The following CCDC102B variants were observed in gnomAD, a reference collection of about 807,000 sequenced individuals.
The protein encoded by CCDC102B is coiled-coil domain containing 102B, also known as coiled-coil domain-containing protein 102B.
Under a neutral mutation model 57.4 loss-of-function variants are expected in CCDC102B, and 75 were observed. The observed-to-expected ratio is 1.31, with a 90% CI of 1.08 to 1.58. The LOEUF (loss-of-function observed/expected upper bound fraction) is 1.58. Among genes scored for constraint, CCDC102B ranks in the 40% most tolerant of loss-of-function variants. The probability of loss-of-function intolerance (pLI) is 0.00; values close to 1 mark genes in which losing one functional copy is unlikely to be tolerated. For synonymous variants in CCDC102B, 206 were observed against 201.9 expected (o/e 1.02, Z -0.17); for missense variants, 636 against 582.6 (o/e 1.09, Z -0.94).
At chr18:68,932,465 A>C (rs2041708626) in intron 6 of CCDC102B, among the ~76,000 whole-genome samples, 9 of 151,896 alleles carry the variant, frequency 5.9e-5, no homozygotes, top group Admixed American at 5.9e-4. Flanking sequence ...GTTTTGGATG[A>C]ATTATGTTGA....
intron 6 of CCDC102B, among the ~76,000 whole-genome samples, chr18:68,912,193 G>A (rs2040900768): frequency 6.6e-6 from 1 of 151,876 alleles, no homozygotes; most frequent in Admixed American, 6.6e-5. Flanking sequence ...GGTCTATATA[G>A]TTTCAGTCCT....
intron 6 of CCDC102B, among the ~76,000 whole-genome samples, chr18:68,982,927 C>T (rs2050629679): frequency 1.3e-5 from 2 of 151,836 alleles, no homozygotes; most frequent in African/African-American, 4.8e-5. Context: ...CAAAATTGTA[C>T]ATCACTATTC....
At chr18:68,978,695 C>T (rs1172475978) in intron 6 of CCDC102B, among the ~76,000 whole-genome samples, 1 of 151,864 alleles carries the variant, frequency 6.6e-6, no homozygotes, top group African/African-American at 2.4e-5. Context: ...ACAATAAAAC[C>T]TTGAAGTAGA....
chr18:68,719,258 A>T (rs1320970948), intron 2 of CCDC102B, among the ~76,000 whole-genome samples: 1 of 152,232 alleles, frequency 6.6e-6, no homozygotes, highest in Non-Finnish European at 1.5e-5. Flanking sequence ...GATTCTCCAG[A>T]GAAAGAAAAC....
At chr18:68,787,428 G>A (rs1266102678) in intron 2 of CCDC102B, among the ~76,000 whole-genome samples, 1 of 150,754 alleles carries the variant, frequency 6.6e-6, no homozygotes. Context: ...TGTACCTCTG[G>A]TAGAATTCGG....
rs547592320 is a variant in CCDC102B at position 68,719,334 on chromosome 18, A to G, written c.-67+2740A>G. Among the ~76,000 whole-genome samples, 4 of 152,240 alleles carry G rather than the reference A, an allele frequency of 2.6e-5. No individual in the cohort carries two copies. The East Asian group carries it at 7.7e-4, about 29-fold the overall frequency. ...GAAGACCAAGAAGTCTTAATCTTCCATCTGCAAGCTGGAGAACCAGAAAGC... is the reference window on the plus strand; with the variant it reads ...GAAGACCAAGAAGTCTTAATCTTCCGTCTGCAAGCTGGAGAACCAGAAAGC... On this transcript the variant is annotated intron_variant, in intron 2 of 3. Transcript: ENST00000578970.
At chr18:68,796,906 A>G (rs1599474477), upstream of CCDC102B, among the ~76,000 whole-genome samples, 1 of 151,986 alleles carries the variant, frequency 6.6e-6, no homozygotes, top group Middle Eastern at 3.4e-3. Context: ...AGGTGGATGC[A>G]AGACTAAATA....
chr18:68,729,050 G>A (rs1417179977), intron 2 of CCDC102B, among the ~76,000 whole-genome samples: 1 of 152,084 alleles, frequency 6.6e-6, no homozygotes, highest in Non-Finnish European at 1.5e-5. Flanking sequence ...TGGTCATTAT[G>A]CAATAATACA....
At chr18:68,940,511 G>A (rs1483883988) in intron 6 of CCDC102B, among the ~76,000 whole-genome samples, 1 of 151,818 alleles carries the variant, frequency 6.6e-6, no homozygotes, top group Non-Finnish European at 1.5e-5. Context: ...TAAATGAAAC[G>A]CTTACTCTAC....
chr18:68,716,501 C>T (rs976323568), intron 1 of CCDC102B: 11 of 152,156 alleles, frequency 7.2e-5, no homozygotes, highest in African/African-American at 2.4e-4. Flanking sequence ...GATGAAATAA[C>T]TGAATATTTA....
chr18:68,823,403 A>G (rs2036773983), intron 1 of CCDC102B: 1 of 152,188 alleles, frequency 6.6e-6, no homozygotes, highest in African/African-American at 2.4e-5. Flanking sequence ...CTTGCCGTCA[A>G]GACTTTCCAT....
At chr18:68,913,195 C>T (rs995222588) in intron 6 of CCDC102B, among the ~76,000 whole-genome samples, 9 of 152,082 alleles carry the variant, frequency 5.9e-5, no homozygotes, top group Admixed American at 5.2e-4. Flanking sequence ...TTCTAATTCT[C>T]TCTAAATTAC....
chr18:68,940,369 TTTTC>T (rs908200876), intron 6 of CCDC102B, among the ~76,000 whole-genome samples: 41 of 152,008 alleles, frequency 2.7e-4, no homozygotes, highest in African/African-American at 9.4e-4. Context: ...TTATTTTCTT[TTTTC>T]TTTTTCATCA....
chr18:68,996,799 G>A (rs551001974), intron 6 of CCDC102B, among the ~76,000 whole-genome samples: 7 of 152,268 alleles, frequency 4.6e-5, no homozygotes, highest in African/African-American at 1.7e-4. Context: ...AAGAATTTGG[G>A]GGAAGCTTGG....
chr18:68,835,903 C>T (rs956271697), intron 1 of CCDC102B, among the ~76,000 whole-genome samples: 5 of 152,228 alleles, frequency 3.3e-5, no homozygotes, highest in South Asian at 2.1e-4. Context: ...ACATCCCAGC[C>T]GCCAGAGCCA....
At chr18:68,906,792 C>T (rs2040660033) in intron 6 of CCDC102B, among the ~76,000 whole-genome samples, 1 of 149,410 alleles carries the variant, frequency 6.7e-6, no homozygotes, top group African/African-American at 2.4e-5. Flanking sequence ...CATATTTTCA[C>T]TTTCTTTTGA....
At chr18:68,749,918 A>G (rs2033780399) in intron 2 of CCDC102B, among the ~76,000 whole-genome samples, 1 of 152,198 alleles carries the variant, frequency 6.6e-6, no homozygotes, top group Admixed American at 6.5e-5. Flanking sequence ...ACAAAAGCCA[A>G]AATTGACAAG....
chr18:68,862,366 G>A (rs1258485321), intron 4 of CCDC102B, among the ~76,000 whole-genome samples: 1 of 152,130 alleles, frequency 6.6e-6, no homozygotes, highest in Non-Finnish European at 1.5e-5. Flanking sequence ...AACAGGCACT[G>A]AACCCTCACT....
At chr18:68,795,679 T>A (rs992003559), upstream of CCDC102B, among the ~76,000 whole-genome samples, 1 of 152,172 alleles carries the variant, frequency 6.6e-6, no homozygotes, top group Admixed American at 6.6e-5. Flanking sequence ...CCTTGGAATA[T>A]GGTTCCCCCT....
Sources: allele counts gnomAD v4.1 joint callset (sites outside exome capture counted in the v4.1 genomes callset), GRCh38; gene constraint gnomAD v4.1.1; transcripts MANE v1.5; gene names NCBI Gene and HGNC (gene_info 2026-07-23, HGNC 2026-07-21).